The following CDYL variants were observed in gnomAD, a reference collection of about 807,000 sequenced individuals.
The protein encoded by CDYL is chromodomain Y like.
A neutral mutation model predicts 47.3 loss-of-function variants in CDYL; 8 were observed. That is an observed-to-expected ratio of 0.17 (90% CI 0.10 to 0.31). The LOEUF (loss-of-function observed/expected upper bound fraction) is 0.31. CDYL is among the 10% of genes least tolerant of loss of function. The pLI is 1.00. For missense variants in CDYL, 471 were observed against 701.4 expected (o/e 0.67, Z 3.71); for synonymous variants, 266 against 265.0 (o/e 1.00, Z -0.04).
Position 4,935,589 on chromosome 6 carries a change from G to A in CDYL, c.766G>A (p.Ala256Thr), listed in dbSNP as rs1157881555. The A allele has an allele frequency of 3.7e-6, 6 of 1,614,180 alleles. No homozygotes were observed. Among genetic ancestry groups the A allele is most frequent in the Non-Finnish European group, 5.1e-6 (6 of 1,180,038 alleles). The change falls in exon 3 of 7, where the codon GCC (alanine) becomes ACC (threonine). Residue 256 changes from alanine (A) to threonine (T), a missense_variant. Ala to Thr is a moderately conservative substitution (Grantham distance 58). Coordinates refer to ENST00000397588, the MANE Select transcript of CDYL (RefSeq NM_004824.4). ...NIQTSVTGVT[A>T]SKRKFIDDRR... The stretch of plus-strand genomic sequence containing the variant: ...ACAGACATCTGTTACAGGAGTGACT[G>A]CCAGCAAAAGGAAATTTATTGACGA...
chr6:4,819,162 C>CTGTGTGTG (rs374323088), intron 1 of CDYL, among the ~76,000 whole-genome samples: 23 of 111,990 alleles, frequency 2.1e-4, no homozygotes, highest in African/African-American at 9.6e-4. Flanking sequence ...CTCTCTCTCT[C>CTGTGTGTG]TGTGTGTGTG....
intron 1 of CDYL, among the ~76,000 whole-genome samples, chr6:4,790,829 T>C (rs1758897310): frequency 6.6e-6 from 1 of 152,234 alleles, no homozygotes; most frequent in Non-Finnish European, 1.5e-5. Context: ...AATTTTTGAC[T>C]GTCATCAACG....
At chr6:4,912,278 T>C (rs890770161) in intron 2 of CDYL, among the ~76,000 whole-genome samples, 9 of 152,148 alleles carry the variant, frequency 5.9e-5, no homozygotes, top group Admixed American at 1.3e-4. Flanking sequence ...ACGTTGGTTT[T>C]GGTGAATCTG....
chr6:4,900,333 C>T (rs897893335), intron 2 of CDYL, among the ~76,000 whole-genome samples: 1 of 152,092 alleles, frequency 6.6e-6, no homozygotes, highest in Non-Finnish European at 1.5e-5. Flanking sequence ...TTACAAGTTG[C>T]AAGACCAGTA....
chr6:4,911,381 T>G (rs1287275530), intron 2 of CDYL, among the ~76,000 whole-genome samples: 1 of 152,252 alleles, frequency 6.6e-6, no homozygotes, highest in African/African-American at 2.4e-5. Context: ...CACACATACA[T>G]GCGCACAGTA....
chr6:4,886,431 T>C (rs1325845711), intron 1 of CDYL, among the ~76,000 whole-genome samples: 2 of 152,214 alleles, frequency 1.3e-5, no homozygotes, highest in African/African-American at 2.4e-5. Context: ...GGCTGTGAAG[T>C]GTACCCGCAT....
intron 2 of CDYL, among the ~76,000 whole-genome samples, chr6:4,725,730 G>T (rs11970299): frequency 0.017 from 2,568 of 152,328 alleles, 87 homozygotes; most frequent in African/African-American, 0.059. Context: ...CTCCAGCCTT[G>T]GCCAGCCCAG....
chr6:4,817,355 T>TAAA (rs199750829), intron 1 of CDYL, among the ~76,000 whole-genome samples: 1 of 140,914 alleles, frequency 7.1e-6, no homozygotes, highest in African/African-American at 2.6e-5. Context: ...TTAAGAGAAT[T>TAAA]AAAAAAAAAA....
At chr6:4,872,337 T>TTTC (rs1328733485) in intron 1 of CDYL, among the ~76,000 whole-genome samples, 3 of 151,866 alleles carry the variant, frequency 2.0e-5, no homozygotes, top group African/African-American at 7.3e-5. Flanking sequence ...TTTTTTTTTT[T>TTTC]TTTTGGTTGG....
intron 1 of CDYL, among the ~76,000 whole-genome samples, chr6:4,798,636 C>T (rs1028823564): frequency 1.3e-5 from 2 of 152,172 alleles, no homozygotes; most frequent in African/African-American, 2.4e-5. Context: ...TAAGGTATGT[C>T]AGTCTATAAT....
rs193291728 is a variant in CDYL, at chr6:4,837,922, C to T, written c.25-53791C>T. ...TCCAGTATCTAGGACTACAGGCGTG[C>T]ACCAACAAACCCAGCTAATTTTTTT... is the stretch of plus-strand genomic sequence containing the variant. On this transcript the variant is annotated intron_variant, in intron 1 of 6. Coordinates refer to ENST00000397588, the MANE Select transcript of CDYL (RefSeq NM_004824.4). Among the ~76,000 whole-genome samples, 242 of 151,456 alleles carry T rather than the reference C, an allele frequency of 1.6e-3. 2 individuals are homozygous for T. Among genetic ancestry groups the T allele is most frequent in the Non-Finnish European group, 2.3e-3 (159 of 67,902 alleles).
chr6:4,895,584 A>T (rs1164793563), intron 2 of CDYL, among the ~76,000 whole-genome samples: 1 of 151,210 alleles, frequency 6.6e-6, no homozygotes, highest in Non-Finnish European at 1.5e-5. Flanking sequence ...TTTTGTTTTG[A>T]GAACCCTTGA....
intron 1 of CDYL, among the ~76,000 whole-genome samples, chr6:4,849,502 A>G (rs891923641): frequency 1.6e-4 from 24 of 152,304 alleles, no homozygotes; most frequent in Non-Finnish European, 2.5e-4. Flanking sequence ...TTAAAGATTA[A>G]CAATCTTAAG....
At chr6:4,940,155 G>A (rs1054691667) in intron 4 of CDYL, among the ~76,000 whole-genome samples, 3 of 152,144 alleles carry the variant, frequency 2.0e-5, no homozygotes, top group African/African-American at 7.2e-5. Flanking sequence ...ACTTTCATCA[G>A]CTCCCTGCTC....
At chr6:4,804,395 G>A (rs1471302740) in intron 1 of CDYL, among the ~76,000 whole-genome samples, 1 of 152,222 alleles carries the variant, frequency 6.6e-6, no homozygotes, top group Admixed American at 6.5e-5. Flanking sequence ...CACTTTTAGA[G>A]CTGAAGAGAA....
chr6:4,833,465 C>T (rs902452535), intron 1 of CDYL, among the ~76,000 whole-genome samples: 1 of 151,640 alleles, frequency 6.6e-6, no homozygotes, highest in Non-Finnish European at 1.5e-5. Context: ...TGTTCTTTTA[C>T]ATTTGCTGAG....
At chr6:4,738,429 A>G (rs1203574855) in intron 3 of CDYL, among the ~76,000 whole-genome samples, 1 of 152,190 alleles carries the variant, frequency 6.6e-6, no homozygotes, top group Non-Finnish European at 1.5e-5. Context: ...AAGTTGTACA[A>G]CTTTACCACA....
chr6:4,742,090 G>A (rs907221267), intron 3 of CDYL, among the ~76,000 whole-genome samples: 1 of 152,192 alleles, frequency 6.6e-6, no homozygotes, highest in Non-Finnish European at 1.5e-5. Flanking sequence ...GCTGGGTGTG[G>A]TGGCTCATGC....
intron 3 of CDYL, among the ~76,000 whole-genome samples, chr6:4,765,048 T>C (rs1297882905): frequency 3.3e-5 from 5 of 152,164 alleles, no homozygotes; most frequent in Non-Finnish European, 7.3e-5. Context: ...ATTGGCTGGG[T>C]GTGGTGGCTC....
Sources: allele counts gnomAD v4.1 joint callset (sites outside exome capture counted in the v4.1 genomes callset), GRCh38; gene constraint gnomAD v4.1.1; transcripts MANE v1.5; gene names NCBI Gene and HGNC (gene_info 2026-07-23, HGNC 2026-07-21).